The following USP53 variants were observed in gnomAD, a reference collection of about 807,000 sequenced individuals.
USP53 encodes the protein ubiquitin specific peptidase 53.
Under a neutral mutation model 94.9 loss-of-function variants are expected in USP53, and 71 were observed. The observed-to-expected ratio is 0.75, with a 90% CI of 0.62 to 0.91. The LOEUF is 0.91. Among genes scored for constraint, USP53 ranks in the 40% least tolerant of loss-of-function variants. The pLI, the probability that USP53 is intolerant of heterozygous loss-of-function variation, is 0.00. For synonymous variants in USP53, 375 were observed against 422.7 expected (o/e 0.89, Z 1.39); for missense variants, 1,173 against 1,281.0 (o/e 0.92, Z 1.29).
chr4:119,213,826 C>T (rs749201832), intron 1 of USP53, among the ~76,000 whole-genome samples: 1 of 151,312 alleles, frequency 6.6e-6, no homozygotes, highest in Non-Finnish European at 1.5e-5. Flanking sequence ...GCCGAGATCG[C>T]GCCACTGCAT....
chr4:119,260,712 C>G (rs1310829063), intron 11 of USP53, 59 bp downstream of exon 11: 6 of 1,557,634 alleles, frequency 3.9e-6, no homozygotes, highest in Non-Finnish European at 5.3e-6. Flanking sequence ...AAAACATCAT[C>G]CTGATGTTTT....
At position 119,294,300 on chromosome 4, in the gene USP53, TAG is replaced by T. The variant is rs766735812; in HGVS notation, c.*1094_*1095del. On this transcript the variant is annotated 3_prime_UTR_variant, in exon 19 of 19. Transcript: ENST00000692078. The stretch of plus-strand genomic sequence containing the variant: ...CCAGATTAAATTTCTACCTTTCATA[TAG>T]AGAGTTTAATTTTAATAAAATGTTT... The T allele has an allele frequency of 5.3e-5, 8 of 152,108 alleles. No homozygotes were observed. The highest frequency in any genetic ancestry group is 4.1e-4 in the South Asian group (2 of 4,830). 9.4% of individuals were successfully genotyped at this position (152,108 alleles called of 1,614,324 possible).
At chr4:119,234,514 A>G (rs373853707) in intron 3 of USP53, among the ~76,000 whole-genome samples, 4 of 152,212 alleles carry the variant, frequency 2.6e-5, no homozygotes, top group Non-Finnish European at 5.9e-5. Flanking sequence ...TGATTTTTAC[A>G]TATACGCTAA....
chr4:119,253,612 C>G (rs1007944236), intron 7 of USP53, among the ~76,000 whole-genome samples: 1 of 152,056 alleles, frequency 6.6e-6, no homozygotes, highest in African/African-American at 2.4e-5. Flanking sequence ...CTATGTGTGT[C>G]TCTGCACATG....
At chr4:119,212,939 G>C in intron 1 of USP53, 66 bp downstream of exon 1, 1 of 171,520 alleles carries the variant, frequency 5.8e-6, no homozygotes, top group South Asian at 1.3e-4. Flanking sequence ...GGGCCTGACC[G>C]GGACACTCTC....
intron 17 of USP53, among the ~76,000 whole-genome samples, chr4:119,290,011 C>G (rs1754560508): frequency 6.6e-6 from 1 of 152,064 alleles, no homozygotes; most frequent in African/African-American, 2.4e-5. Flanking sequence ...TTTATTAGAG[C>G]TGTTTTAGTT....
intron 9 of USP53, among the ~76,000 whole-genome samples, chr4:119,258,276 T>C (rs1408506140): frequency 6.6e-6 from 1 of 152,230 alleles, no homozygotes; most frequent in Non-Finnish European, 1.5e-5. Context: ...GCAATTTGAA[T>C]GAGCTTATCA....
At chr4:119,229,174 C>T (rs556684503) in intron 3 of USP53, among the ~76,000 whole-genome samples, 1 of 152,248 alleles carries the variant, frequency 6.6e-6, no homozygotes, top group South Asian at 2.1e-4. Context: ...TGTTGTCATC[C>T]ATCCAGCCAT....
chr4:119,275,615 T>A (rs1752523467), intron 17 of USP53, among the ~76,000 whole-genome samples: 1 of 151,690 alleles, frequency 6.6e-6, no homozygotes, highest in East Asian at 1.9e-4. Flanking sequence ...TTTCAAGTAG[T>A]TTTTTCCAAT....
chr4:119,231,638 A>G (rs943489615), intron 3 of USP53, among the ~76,000 whole-genome samples: 1 of 152,150 alleles, frequency 6.6e-6, no homozygotes, highest in Non-Finnish European at 1.5e-5. Flanking sequence ...GGCTCAGCAT[A>G]TAGTTGTATG....
chr4:119,261,402 G>A (rs541988936), intron 11 of USP53, among the ~76,000 whole-genome samples: 1 of 152,320 alleles, frequency 6.6e-6, no homozygotes, highest in Non-Finnish European at 1.5e-5. Flanking sequence ...TACCAGAAAT[G>A]TGGAATTTAT....
At chr4:119,257,849 A>C (rs185368455) in intron 9 of USP53, among the ~76,000 whole-genome samples, 2 of 152,326 alleles carry the variant, frequency 1.3e-5, no homozygotes, top group Admixed American at 6.5e-5. Flanking sequence ...GATGGTGTTC[A>C]AAGATAGACA....
chr4:119,247,885 T>G (rs1748459774), intron 6 of USP53, among the ~76,000 whole-genome samples: 1 of 152,166 alleles, frequency 6.6e-6, no homozygotes, highest in Admixed American at 6.5e-5. Context: ...TGACATCTGT[T>G]TTTTTATTTC....
intron 3 of USP53, among the ~76,000 whole-genome samples, chr4:119,233,174 C>T (rs1432199658): frequency 2.1e-5 from 3 of 142,438 alleles, no homozygotes; most frequent in African/African-American, 5.1e-5. Context: ...TTCTCTCTCT[C>T]TTTTTTTTTT....
At chr4:119,236,232 G>A (rs1746726423) in intron 4 of USP53, among the ~76,000 whole-genome samples, 1 of 152,128 alleles carries the variant, frequency 6.6e-6, no homozygotes, top group Non-Finnish European at 1.5e-5. Context: ...GTGCAAAATA[G>A]CATTATTTCT....
intron 2 of USP53, among the ~76,000 whole-genome samples, chr4:119,216,876 T>G (rs924208107): frequency 6.6e-6 from 1 of 152,244 alleles, no homozygotes; most frequent in East Asian, 1.9e-4. Flanking sequence ...CAGCGTCTGC[T>G]TTTTTCTAAA....
chr4:119,225,070 TA>T (rs1197618252), intron 3 of USP53, among the ~76,000 whole-genome samples: 1 of 152,090 alleles, frequency 6.6e-6, no homozygotes, highest in Non-Finnish European at 1.5e-5. Context: ...GACTGATCAA[TA>T]AAAGAGAAGA....
At chr4:119,218,681 T>G (rs755433621) in intron 3 of USP53, 1 of 152,198 alleles carries the variant, frequency 6.6e-6, no homozygotes, top group Non-Finnish European at 1.5e-5. Context: ...CAATTATACC[T>G]TCCTTACTAT....
At chr4:119,266,779 C>G (rs1038396874) in intron 12 of USP53, among the ~76,000 whole-genome samples, 6 of 151,808 alleles carry the variant, frequency 4.0e-5, no homozygotes, top group Admixed American at 3.9e-4. Flanking sequence ...TAGATTAAGT[C>G]CATTTTAAAA....
Sources: gnomAD v4.1 joint callset for allele counts (sites outside exome capture counted in the v4.1 genomes callset) on GRCh38, gnomAD v4.1.1 for gene constraint, MANE v1.5 for transcripts, NCBI Gene and HGNC (gene_info 2026-07-23, HGNC 2026-07-21) for gene names.